Variants in PCDHA9 observed in about 807,000 individuals in gnomAD.
PCDHA9 encodes the protein protocadherin alpha-9.
PCDHA9 carries 62 observed loss-of-function variants against 62.0 expected under a neutral mutation model. The observed-to-expected ratio is 1.00, with a 90% CI of 0.81 to 1.23. The LOEUF is 1.23. Among genes scored for constraint, PCDHA9 ranks in the 50% most tolerant of loss-of-function variants. PCDHA9 has a pLI of 0.00. For synonymous variants in PCDHA9, 557 were observed against 567.6 expected (o/e 0.98, Z 0.27); for missense variants, 1,205 against 1,249.8 (o/e 0.96, Z 0.54).
Position 140,856,573 on chromosome 5 carries a change from G to A in PCDHA9, c.2394+5684G>A, listed in dbSNP as rs1168113677. 4.4e-6 allele frequency: 7 copies of A among 1,597,600 alleles called. No individual in the cohort carries two copies. The African/African-American group carries it at 5.4e-5, about 12-fold the overall frequency. ...TTACTTACAAACTCAGTCCAAATGA[G>A]TATTTTGTTCTTGATATTATAAACA... On this transcript the variant is annotated intron_variant, in intron 1 of 3. Transcript: ENST00000532602.
rs2153592349 is a variant in PCDHA9 at position 140,927,874 on chromosome 5, G to A, written c.2395-51075G>A. 1.9e-6 allele frequency: 3 copies of A among 1,614,102 alleles called. No individual in the cohort carries two copies. The East Asian group carries it at 6.7e-5, about 36-fold the overall frequency. Reference sequence around the variant, plus strand: ...TTTAGCTAGCACCGCTAAACTGCTGGTGGAGGTGACTGACGTGAACGATCA... The same window carrying A: ...TTTAGCTAGCACCGCTAAACTGCTGATGGAGGTGACTGACGTGAACGATCA... On this transcript the variant is annotated intron_variant, in intron 1 of 3. Coordinates refer to ENST00000532602, the MANE Select transcript of PCDHA9 (RefSeq NM_031857.2).
intron 3 of PCDHA9, among the ~76,000 whole-genome samples, chr5:140,996,394 G>A (rs2097724789): frequency 6.6e-6 from 1 of 152,192 alleles, no homozygotes; most frequent in Non-Finnish European, 1.5e-5. Context: ...GCCTCATAGA[G>A]TTTCAGGTGG....
intron 1 of PCDHA9, chr5:140,882,621 AT>A (rs1447184799): frequency 1.2e-6 from 2 of 1,614,094 alleles, no homozygotes; most frequent in Non-Finnish European, 1.7e-6. Flanking sequence ...CAGGTTTTCC[AT>A]GTGGAGGTGA....
At chr5:140,886,690 G>T (rs1321168089) in intron 1 of PCDHA9, among the ~76,000 whole-genome samples, 3 of 151,964 alleles carry the variant, frequency 2.0e-5, no homozygotes, top group African/African-American at 7.2e-5. Flanking sequence ...GCGAGGCATG[G>T]TGGCACGCGC....
intron 3 of PCDHA9, among the ~76,000 whole-genome samples, chr5:141,003,942 G>C (rs1054043476): frequency 2.0e-5 from 3 of 152,148 alleles, no homozygotes; most frequent in Non-Finnish European, 2.9e-5. Flanking sequence ...TTGCCTGAGG[G>C]TGAGCTAGGA....
At chr5:140,927,419 G>A (rs781883331) in intron 1 of PCDHA9, 1 of 1,614,140 alleles carries the variant, frequency 6.2e-7, no homozygotes, top group South Asian at 1.1e-5. Flanking sequence ...ATGGGATCGC[G>A]GGTTGACGGC....
chr5:140,876,850 T>A, intron 1 of PCDHA9: 1 of 1,614,012 alleles, frequency 6.2e-7, no homozygotes, highest in Non-Finnish European at 8.5e-7. Flanking sequence ...GCAGCCCGAG[T>A]ACACAGTGTT....
intron 1 of PCDHA9, among the ~76,000 whole-genome samples, chr5:140,872,243 T>A (rs1484959006): frequency 6.6e-6 from 1 of 152,192 alleles, no homozygotes; most frequent in African/African-American, 2.4e-5. Flanking sequence ...TCTTTATTCC[T>A]GTGATAATAC....
intron 1 of PCDHA9, chr5:140,883,655 T>C (rs782178754): frequency 6.2e-7 from 1 of 1,613,114 alleles, no homozygotes; most frequent in Non-Finnish European, 8.5e-7. Context: ...GTACACGGTG[T>C]TCGTGAAGGA....
intron 1 of PCDHA9, chr5:140,861,340 C>T (rs1364602007): frequency 3.6e-6 from 1 of 276,532 alleles, no homozygotes; most frequent in African/African-American, 2.2e-5. Context: ...TGGAAGAGGC[C>T]AAGGACGGCA....
intron 1 of PCDHA9, chr5:140,866,000 TAA>T (rs1485805064): frequency 6.6e-6 from 1 of 152,190 alleles, no homozygotes; most frequent in Non-Finnish European, 1.5e-5. Flanking sequence ...TTTTTTATGT[TAA>T]GTGATTTTTT....
intron 3 of PCDHA9, among the ~76,000 whole-genome samples, chr5:140,988,459 G>A (rs1554250155): frequency 6.6e-6 from 1 of 152,152 alleles, no homozygotes; most frequent in Admixed American, 6.5e-5. Context: ...AGGAAGCAAG[G>A]GTGTGGGAAG....
chr5:140,946,221 A>G (rs1287007358), intron 1 of PCDHA9, among the ~76,000 whole-genome samples: 2 of 152,214 alleles, frequency 1.3e-5, no homozygotes, highest in Admixed American at 6.5e-5. Context: ...ACCAACAGGT[A>G]TACTAAAAAA....
intron 3 of PCDHA9, among the ~76,000 whole-genome samples, chr5:141,004,084 T>C (rs2098151963): frequency 6.6e-6 from 1 of 152,234 alleles, no homozygotes; most frequent in Non-Finnish European, 1.5e-5. Context: ...GGTAGAAATG[T>C]GCTTCTTCCG....
chr5:140,853,173 C>T, intron 1 of PCDHA9: 1 of 969,590 alleles, frequency 1.0e-6, no homozygotes, highest in South Asian at 4.8e-5. Context: ...GCCACCGCGC[C>T]TGGCCTAAAA....
At chr5:140,870,100 T>G in intron 1 of PCDHA9, 3 of 1,613,914 alleles carry the variant, frequency 1.9e-6, no homozygotes, top group Non-Finnish European at 2.5e-6. Context: ...GGCAGGTCAC[T>G]GTACAGTCTG....
intron 1 of PCDHA9, chr5:140,854,657 T>C (rs1554147373): frequency 6.7e-6 from 1 of 149,998 alleles, no homozygotes; most frequent in Non-Finnish European, 1.5e-5. Context: ...ATAAAATAAA[T>C]TAACCCTTGC....
At chr5:140,912,844 C>T (rs960802369) in intron 1 of PCDHA9, among the ~76,000 whole-genome samples, 16 of 152,150 alleles carry the variant, frequency 1.1e-4, no homozygotes, top group Admixed American at 2.6e-4. Context: ...AATGCTTTTT[C>T]AGCATCAATT....
intron 1 of PCDHA9, chr5:140,870,040 A>G: frequency 1.2e-6 from 2 of 1,613,768 alleles, no homozygotes; most frequent in Non-Finnish European, 1.7e-6. Flanking sequence ...TGAAGAAAAC[A>G]AGTTTTATAA....
Sources: allele counts gnomAD v4.1 joint callset (sites outside exome capture counted in the v4.1 genomes callset), GRCh38; gene constraint gnomAD v4.1.1; transcripts MANE v1.5; gene names NCBI Gene and HGNC (gene_info 2026-07-23, HGNC 2026-07-21).